PKIB: variants seen among roughly 807,000 people sequenced by gnomAD.
PKIB encodes the protein cAMP-dependent protein kinase inhibitor beta.
In PKIB, 2 loss-of-function variants were observed where a neutral mutation model predicts 4.5. That is an observed-to-expected ratio of 0.44 (90% CI 0.18 to 1.39). The LOEUF (loss-of-function observed/expected upper bound fraction) is 1.39, where lower values mean the gene tolerates loss of function less well. Ranked by LOEUF, PKIB falls within the 40% of genes most tolerant of loss-of-function variation. The pLI, the probability that PKIB is intolerant of heterozygous loss-of-function variation, is 0.27. For synonymous variants in PKIB, 38 were observed against 36.0 expected, an observed-to-expected ratio of 1.06 and a Z score of -0.20; for missense variants, 94 against 92.6, an observed-to-expected ratio of 1.02 and a Z score of -0.06.
chr6:122,482,838 T>C (rs1194386382), intron 2 of PKIB: 2 of 152,238 alleles, frequency 1.3e-5, no homozygotes, highest in Non-Finnish European at 2.9e-5. Flanking sequence ...TGTGAGCCAC[T>C]GTGCCCGGCC....
At chr6:122,508,392 T>G (rs1190556520) in intron 2 of PKIB, among the ~76,000 whole-genome samples, 2 of 152,218 alleles carry the variant, frequency 1.3e-5, no homozygotes, top group East Asian at 3.9e-4. Context: ...TACCTGGCAC[T>G]GAGGACAATG....
chr6:122,548,745 TTAA>T (rs567119385), intron 2 of PKIB, among the ~76,000 whole-genome samples: 213 of 152,294 alleles, frequency 1.4e-3, no homozygotes, highest in African/African-American at 4.9e-3. Flanking sequence ...TTGAGTACAA[TTAA>T]TAATAGCATT....
intron 2 of PKIB, chr6:122,585,588 A>G (rs1010339608): frequency 6.6e-6 from 1 of 152,156 alleles, no homozygotes; most frequent in African/African-American, 2.4e-5. Context: ...TTGGTCTTTA[A>G]TAAGATTAAA....
intron 2 of PKIB, among the ~76,000 whole-genome samples, chr6:122,657,628 T>C (rs1776823675): frequency 1.3e-5 from 2 of 152,234 alleles, no homozygotes; most frequent in Non-Finnish European, 2.9e-5. Context: ...CAATGCTACT[T>C]CCTTTTTCAT....
At chr6:122,504,664 T>C (rs932673131) in intron 2 of PKIB, among the ~76,000 whole-genome samples, 1 of 152,246 alleles carries the variant, frequency 6.6e-6, no homozygotes, top group Non-Finnish European at 1.5e-5. Flanking sequence ...ACAGTTATTT[T>C]AAAAATTAAA....
intron 3 of PKIB, among the ~76,000 whole-genome samples, chr6:122,589,216 C>T (rs943955560): frequency 8.6e-5 from 13 of 151,894 alleles, no homozygotes; most frequent in African/African-American, 2.9e-4. Context: ...AATGTTTTTG[C>T]GTAGGGGAAT....
chr6:122,580,923 G>A (rs1773684237), intron 2 of PKIB, among the ~76,000 whole-genome samples: 1 of 152,064 alleles, frequency 6.6e-6, no homozygotes, highest in East Asian at 1.9e-4. Context: ...TAGTTGATGG[G>A]GAAACAGTCA....
At chr6:122,620,735 T>C (rs899478737) in intron 1 of PKIB, among the ~76,000 whole-genome samples, 6 of 152,184 alleles carry the variant, frequency 3.9e-5, no homozygotes, top group Non-Finnish European at 5.9e-5. Flanking sequence ...TTTTAATTAG[T>C]ATGTTGAGGG....
chr6:122,486,164 A>G (rs1171185735), intron 2 of PKIB, among the ~76,000 whole-genome samples: 1 of 152,192 alleles, frequency 6.6e-6, no homozygotes, highest in Non-Finnish European at 1.5e-5. Context: ...TTTTAAATCC[A>G]TCACTGTCCC....
chr6:122,583,840 A>C (rs567826033), intron 2 of PKIB, among the ~76,000 whole-genome samples: 1 of 152,232 alleles, frequency 6.6e-6, no homozygotes, highest in African/African-American at 2.4e-5. Flanking sequence ...GTGAGAATAG[A>C]GCAAAGAGGC....
At position 122,593,754 on chromosome 6, in the gene PKIB, A is replaced by G. The variant is rs74763004; in HGVS notation, c.-161+7747A>G. Among the ~76,000 whole-genome samples the G allele has an allele frequency of 2.0e-3, 308 of 152,334 alleles. 6 individuals carry two copies. The East Asian group carries it at 0.042, about 21-fold the overall frequency. The stretch of plus-strand genomic sequence containing the variant: ...ATTACAATTTTATATGAAAATTTAG[A>G]CATAAAAAGTTAAGAACACAAAAGT... On this transcript the variant is annotated intron_variant, in intron 3 of 6. Transcript: ENST00000392491.
upstream of PKIB, among the ~76,000 whole-genome samples, chr6:122,607,826 C>T (rs903654990): frequency 4.6e-5 from 7 of 152,146 alleles, no homozygotes; most frequent in African/African-American, 1.7e-4. Context: ...CTTCTGAAGT[C>T]TTAATTGTCT....
intron 3 of PKIB, among the ~76,000 whole-genome samples, chr6:122,678,541 A>G (rs1489419790): frequency 6.6e-6 from 1 of 151,734 alleles, no homozygotes; most frequent in African/African-American, 2.4e-5. Context: ...GCACATCTTT[A>G]CTTGCCCTAA....
chr6:122,713,518 TA>T lies in PKIB; in HGVS notation c.-8-4268del, dbSNP rs1240632070. On this transcript the variant is annotated intron_variant, in intron 3 of 4. Coordinates refer to ENST00000368452, the MANE Select transcript of PKIB (RefSeq NM_181795.3). ...AGAGCAATTGTCTGTTTTCTATATG[TA>T]TATCGCCCCTTTTAAAAAAACCAAG... Among the ~76,000 whole-genome samples, 20 of 152,180 alleles carry T rather than the reference TA, an allele frequency of 1.3e-4. 1 individual carries two copies. The highest frequency in any genetic ancestry group is 4.8e-4 in the African/African-American group (20 of 41,434).
At chr6:122,475,712 G>A (rs1775437675) in intron 1 of PKIB, among the ~76,000 whole-genome samples, 1 of 152,116 alleles carries the variant, frequency 6.6e-6, no homozygotes, top group African/African-American at 2.4e-5. Context: ...CTCGAACCTG[G>A]GAGGCAGAGG....
intron 2 of PKIB, among the ~76,000 whole-genome samples, chr6:122,551,369 C>T (rs1293742227): frequency 6.6e-6 from 1 of 151,970 alleles, no homozygotes; most frequent in Non-Finnish European, 1.5e-5. Flanking sequence ...TTCATCAGTA[C>T]TATTGAGTTT....
chr6:122,697,096 T>A (rs1480480756), intron 3 of PKIB, among the ~76,000 whole-genome samples: 1 of 152,050 alleles, frequency 6.6e-6, no homozygotes, highest in East Asian at 1.9e-4. Flanking sequence ...AACAACCAGG[T>A]CTGTAGGAGG....
intron 2 of PKIB, among the ~76,000 whole-genome samples, chr6:122,636,869 GA>G (rs921383253): frequency 9.9e-5 from 15 of 152,092 alleles, no homozygotes; most frequent in African/African-American, 3.6e-4. Context: ...GAAACTTAGA[GA>G]AGCCAAATCA....
intron 2 of PKIB, among the ~76,000 whole-genome samples, chr6:122,498,083 A>G (rs1381370694): frequency 2.0e-5 from 3 of 152,212 alleles, no homozygotes; most frequent in Non-Finnish European, 4.4e-5. Flanking sequence ...ACCCAATTAC[A>G]TGGAAATGAA....
Sources: allele counts gnomAD v4.1 joint callset (sites outside exome capture counted in the v4.1 genomes callset), GRCh38; gene constraint gnomAD v4.1.1; transcripts MANE v1.5; gene names NCBI Gene and HGNC (gene_info 2026-07-23, HGNC 2026-07-21).